Variants in VPS37C observed in about 807,000 individuals in gnomAD.
The protein encoded by VPS37C is VPS37C subunit of ESCRT-I.
Under a neutral mutation model 16.1 loss-of-function variants are expected in VPS37C, and 9 were observed. The observed-to-expected ratio is 0.56, with a 90% CI of 0.34 to 0.97. The LOEUF (loss-of-function observed/expected upper bound fraction) is 0.97, where lower values mean the gene tolerates loss of function less well. VPS37C is among the 50% of genes least tolerant of loss of function. The pLI is 0.02. For missense variants in VPS37C, 479 were observed against 472.7 expected (o/e 1.01, Z -0.12); for synonymous variants, 207 against 206.4 (o/e 1.00, Z -0.02).
chr11:61,133,144 G>A (rs766470145), intron 4 of VPS37C, 111 bp downstream of exon 4: 50 of 1,245,474 alleles, frequency 4.0e-5, no homozygotes, highest in East Asian at 7.5e-5. Flanking sequence ...TGCCATCTAC[G>A]AAAGCTCCCT....
In VPS37C at chr11:61,134,051, G is replaced by C. The variant is rs1266481627; in HGVS notation, c.250C>G (p.Gln84Glu). 4 of 1,611,318 alleles carry C rather than the reference G, an allele frequency of 2.5e-6. No homozygotes were observed. Among genetic ancestry groups the C allele is most frequent in the South Asian group, 2.2e-5 (2 of 91,006 alleles). Residue 84 changes from glutamine to glutamate, a missense_variant, in exon 3 of 5, where the codon CAG (glutamine) becomes GAG (glutamate). Physicochemically the swap from Gln to Glu is conservative, Grantham distance 29. Coordinates refer to ENST00000301765, the MANE Select transcript of VPS37C (RefSeq NM_017966.5). ...LRKLVERCQE[Q>E]KAKLEKFSSA... ...GCCACCCTACCCAGCTTTGCCTTCT[G>C]CTCCTGGCACCGCTCCACGAGCTTC...
At chr11:61,159,296 A>C (rs554375978) in intron 1 of VPS37C, among the ~76,000 whole-genome samples, 6 of 152,336 alleles carry the variant, frequency 3.9e-5, no homozygotes, top group Admixed American at 1.3e-4. Context: ...CCTTACCGTA[A>C]GAATCACCCA....
chr11:61,138,811 T>C lies in VPS37C; in HGVS notation c.19A>G (p.Lys7Glu). 6 of 1,614,122 alleles carry C rather than the reference T, an allele frequency of 3.7e-6. No homozygotes were observed. The highest frequency in any genetic ancestry group is 5.1e-6 in the Non-Finnish European group (6 of 1,180,010). The stretch of plus-strand genomic sequence containing the variant: ...AACTCCTCCAGCTCCTGCAGGGTCT[T>C]ATCCTTCAGCGTCTCCATCCTTCCC... METLKD[K>E]TLQELEELQN... is the part of the protein sequence containing the mutation. The change falls in exon 2 of 5, where the codon AAG becomes GAG. Residue 7 changes from lysine to glutamate, a missense_variant. Transcript: ENST00000301765.
chr11:61,149,759 A>G (rs922277339), intron 1 of VPS37C, among the ~76,000 whole-genome samples: 3 of 152,228 alleles, frequency 2.0e-5, no homozygotes, highest in African/African-American at 7.2e-5. Flanking sequence ...TCATCTTTAC[A>G]TAAATATTTA....
chr11:61,133,232 G>C (rs1179876583), intron 4 of VPS37C, 23 bp downstream of exon 4: 3 of 1,612,924 alleles, frequency 1.9e-6, no homozygotes, highest in African/African-American at 1.3e-5. Flanking sequence ...CCAGGGAAGA[G>C]GGGTGTCGCC....
rs72280271 is a variant in VPS37C at position 61,139,746 on chromosome 11, T to TTG, written c.-6-912_-6-911insCA. Among the ~76,000 whole-genome samples the TTG allele has an allele frequency of 3.7e-3, 115 of 31,184 alleles. 3 individuals carry two copies. In the East Asian group the frequency reaches 0.27, roughly 73 times the overall value. 20.5% of individuals were successfully genotyped at this position (31,184 alleles called of 152,430 possible). A position where few individuals can be genotyped will look rare whatever the true frequency, so the allele number is the denominator to read the frequency against. On this transcript the variant is annotated intron_variant, in intron 1 of 4. Transcript: ENST00000301765. ...TCCAGAGGTGCATTCCATAGCTTTT[T>TTG]TTTTTTTTTTTTTTTGAGACATGGT...
At chr11:61,153,496 G>T (rs532208800) in intron 1 of VPS37C, among the ~76,000 whole-genome samples, 16 of 152,194 alleles carry the variant, frequency 1.1e-4, no homozygotes, top group Non-Finnish European at 1.9e-4. Flanking sequence ...AAGGAATGCT[G>T]ACTGGACAGG....
chr11:61,152,756 C>T (rs905527529), intron 1 of VPS37C, among the ~76,000 whole-genome samples: 2 of 152,208 alleles, frequency 1.3e-5, no homozygotes, highest in South Asian at 2.1e-4. Flanking sequence ...GATCTCTAAA[C>T]AGCAGTAAGA....
chr11:61,140,316 G>A (rs889291641), intron 1 of VPS37C, among the ~76,000 whole-genome samples: 13 of 152,164 alleles, frequency 8.5e-5, no homozygotes, highest in African/African-American at 3.1e-4. Flanking sequence ...GGTAAGAGGA[G>A]GACTGAGAAA....
chr11:61,145,990 A>G (rs1474359351), intron 1 of VPS37C, among the ~76,000 whole-genome samples: 3 of 152,220 alleles, frequency 2.0e-5, no homozygotes, highest in Admixed American at 2.0e-4. Flanking sequence ...GTTGAGGGTG[A>G]GAATAAATCG....
chr11:61,141,876 C>T (rs1229406148), intron 1 of VPS37C, among the ~76,000 whole-genome samples: 2 of 152,234 alleles, frequency 1.3e-5, no homozygotes, highest in African/African-American at 4.8e-5. Flanking sequence ...GAAGCTCTGT[C>T]GCAGGCAGCT....
In VPS37C at chr11:61,157,886, TG is replaced by T. The variant is rs762715717; in HGVS notation, c.-7+3504del. On this transcript the variant is annotated intron_variant, in intron 1 of 4. Transcript: ENST00000301765. ...GTGCCCTCCCACAGTAATGAGCTCT[TG>T]CTCTCTTAGTTCACATGAGAGCTGG... is the stretch of plus-strand genomic sequence containing the variant. 6.6e-5 allele frequency among the ~76,000 whole-genome samples: 10 copies of T among 152,316 alleles called. No individual in the cohort carries two copies. The South Asian group carries it at 8.3e-4, about 13-fold the overall frequency.
Position 61,138,809 on chromosome 11 carries a change from C to CT in VPS37C, c.20dup (p.Thr8AspfsTer11). 1 of 1,614,144 alleles carries CT rather than the reference C, an allele frequency of 6.2e-7. No homozygotes were observed. The highest frequency in any genetic ancestry group is 8.5e-7 in the Non-Finnish European group (1 of 1,180,028). On this transcript the variant is annotated frameshift_variant, in exon 2 of 5. Transcript: ENST00000301765. LOFTEE classifies it high-confidence loss of function. ...GCAACTCCTCCAGCTCCTGCAGGGT[C>CT]TTATCCTTCAGCGTCTCCATCCTTC...
chr11:61,133,796 C>T (rs1031485807), intron 3 of VPS37C, among the ~76,000 whole-genome samples: 1 of 152,206 alleles, frequency 6.6e-6, no homozygotes, highest in African/African-American at 2.4e-5. Flanking sequence ...GCAAAGGATG[C>T]AGGCTGTCTC....
intron 2 of VPS37C, among the ~76,000 whole-genome samples, chr11:61,135,727 T>TAA (rs1861358953): frequency 6.6e-6 from 1 of 152,146 alleles, no homozygotes; most frequent in Admixed American, 6.5e-5. Flanking sequence ...ACTCTCAATC[T>TAA]AATTTTTATT....
At chr11:61,145,240 G>T (rs1853180564) in intron 1 of VPS37C, 1 of 152,246 alleles carries the variant, frequency 6.6e-6, no homozygotes, top group Non-Finnish European at 1.5e-5. Context: ...CTGCCCCACT[G>T]TGCGGGTGTT....
Position 61,145,474 on chromosome 11 carries a change from G to C in VPS37C, c.-6-6639C>G, listed in dbSNP as rs560894841. 3.3e-5 allele frequency: 5 copies of C among 152,520 alleles called. No homozygotes were observed. In the East Asian group the frequency reaches 9.7e-4, roughly 29 times the overall value. 9.4% of individuals were successfully genotyped at this position (152,520 alleles called of 1,614,324 possible). On this transcript the variant is annotated intron_variant, in intron 1 of 4. Transcript: ENST00000301765. ...GGGCAGGCAAGTGCCACCTTGTGGG[G>C]TTTACCACAGCATCACCCACCCCTG...
At chr11:61,159,901 CAAAAAA>C (rs35953020) in intron 1 of VPS37C, among the ~76,000 whole-genome samples, 47 of 49,542 alleles carry the variant, frequency 9.5e-4, no homozygotes, top group Middle Eastern at 0.011. Context: ...GACTCCGTCT[CAAAAAA>C]AAAAAAAAAA....
At chr11:61,151,651 C>T (rs1461376176) in intron 1 of VPS37C, among the ~76,000 whole-genome samples, 1 of 152,148 alleles carries the variant, frequency 6.6e-6, no homozygotes, top group East Asian at 1.9e-4. Context: ...TGGCTGAGGG[C>T]AGACACTCAG....
Sources: allele counts gnomAD v4.1 joint callset (sites outside exome capture counted in the v4.1 genomes callset), GRCh38; gene constraint gnomAD v4.1.1; transcripts MANE v1.5; gene names NCBI Gene and HGNC (gene_info 2026-07-23, HGNC 2026-07-21).